Variants in ZBTB20 observed in about 807,000 individuals in gnomAD.
ZBTB20 encodes zinc finger and BTB domain containing 20.
In ZBTB20, 9 loss-of-function variants were observed where a neutral mutation model predicts 56.9. The ratio of observed to expected loss-of-function variants is 0.16; its 90% CI spans 0.10 to 0.28. The LOEUF is 0.28. Ranked by LOEUF, ZBTB20 falls within the 10% of genes least tolerant of loss-of-function variation. ZBTB20 has a pLI of 1.00. For missense variants in ZBTB20, 655 were observed against 1,003.0 expected (o/e 0.65, Z 4.69); for synonymous variants, 417 against 420.7 (o/e 0.99, Z 0.11).
At chr3:114,963,795 T>C (rs985916446) in intron 3 of ZBTB20, among the ~76,000 whole-genome samples, 1 of 152,164 alleles carries the variant, frequency 6.6e-6, no homozygotes, top group African/African-American at 2.4e-5. Flanking sequence ...TTCAACTTTG[T>C]TGCTGTGTAT....
intron 7 of ZBTB20, among the ~76,000 whole-genome samples, chr3:114,442,194 C>CTA (rs1274205343): frequency 2.6e-5 from 4 of 152,166 alleles, no homozygotes; most frequent in Non-Finnish European, 4.4e-5. Flanking sequence ...CAAGTGTTAA[C>CTA]TATCCATCTC....
At chr3:114,956,631 A>G (rs2077256559) in intron 3 of ZBTB20, among the ~76,000 whole-genome samples, 1 of 152,228 alleles carries the variant, frequency 6.6e-6, no homozygotes, top group African/African-American at 2.4e-5. Flanking sequence ...GTACGCATTT[A>G]CAAACATTTT....
At chr3:114,435,235 T>A (rs1489651588) in intron 7 of ZBTB20, among the ~76,000 whole-genome samples, 5 of 146,724 alleles carry the variant, frequency 3.4e-5, no homozygotes, top group African/African-American at 1.0e-4. Context: ...ATTAACTCTT[T>A]AAAAAAAAAA....
chr3:114,722,733 G>C (rs1234619812), intron 5 of ZBTB20, among the ~76,000 whole-genome samples: 1 of 152,228 alleles, frequency 6.6e-6, no homozygotes, highest in East Asian at 1.9e-4. Context: ...TTGCTGTCAT[G>C]ACAAGCCAAT....
At chr3:114,543,596 C>T (rs981624673) in intron 6 of ZBTB20, among the ~76,000 whole-genome samples, 3 of 152,180 alleles carry the variant, frequency 2.0e-5, no homozygotes, top group African/African-American at 7.2e-5. Context: ...AAACCCTTGG[C>T]TACTATAAAC....
chr3:114,771,870 CTTTA>C (rs896929246), intron 5 of ZBTB20, among the ~76,000 whole-genome samples: 4 of 152,140 alleles, frequency 2.6e-5, no homozygotes, highest in African/African-American at 9.7e-5. Context: ...AAACTGAAGT[CTTTA>C]TTTAACTTGG....
rs943696338 is a variant in ZBTB20, at chr3:114,444,517, T to A, written c.-254-55412A>T. Among the ~76,000 whole-genome samples the A allele has an allele frequency of 2.6e-5, 4 of 152,310 alleles. No individual in the cohort carries two copies. In the East Asian group the frequency reaches 5.8e-4, roughly 22 times the overall value. On this transcript the variant is annotated intron_variant, in intron 7 of 11. Transcript: ENST00000675478. ...GTGGGATATCACTTACTTTTTATTTTTATAAATTAGTTTTAGTGGTCAGCC... is the reference window on the plus strand; with the variant it reads ...GTGGGATATCACTTACTTTTTATTTATATAAATTAGTTTTAGTGGTCAGCC...
chr3:114,470,471 C>G (rs1179562464), intron 7 of ZBTB20, among the ~76,000 whole-genome samples: 1 of 152,044 alleles, frequency 6.6e-6, no homozygotes, highest in Non-Finnish European at 1.5e-5. Context: ...AATTTCAGCT[C>G]CTTTTTCATC....
In ZBTB20 at chr3:115,036,698, C is replaced by A. The variant is rs72943828; in HGVS notation, c.-507+34521G>T. Among the ~76,000 whole-genome samples, 898 of 152,300 alleles carry A rather than the reference C, an allele frequency of 5.9e-3. 12 individuals are homozygous for A. Among genetic ancestry groups the A allele is most frequent in the African/African-American group, 0.021 (869 of 41,580 alleles). ...AAAGTGCTGGGATTACAGGTGTGCA[C>A]CGCAGCGCCCGGCCACTTTGTGATT... On this transcript the variant is annotated intron_variant, in intron 2 of 11. Transcript: ENST00000675478.
chr3:114,810,098 G>A (rs1438300053), intron 4 of ZBTB20, among the ~76,000 whole-genome samples: 1 of 152,146 alleles, frequency 6.6e-6, no homozygotes, highest in African/African-American at 2.4e-5. Context: ...TGTGTGGGTT[G>A]TAGAATGCAC....
intron 2 of ZBTB20, among the ~76,000 whole-genome samples, chr3:115,030,718 C>A (rs1218929113): frequency 6.6e-6 from 1 of 151,236 alleles, no homozygotes; most frequent in Non-Finnish European, 1.5e-5. Flanking sequence ...CAGGGTACAG[C>A]TCAATGAGTC....
intron 10 of ZBTB20, among the ~76,000 whole-genome samples, chr3:114,358,630 G>A (rs567573507): frequency 8.5e-5 from 13 of 152,226 alleles, no homozygotes; most frequent in Admixed American, 2.0e-4. Context: ...AAGGATGAGG[G>A]CATGCCTATC....
intron 1 of ZBTB20, among the ~76,000 whole-genome samples, chr3:115,142,343 C>T (rs1249300557): frequency 1.3e-5 from 2 of 152,118 alleles, no homozygotes; most frequent in African/African-American, 4.8e-5. Flanking sequence ...TTCAATTAGC[C>T]ATTCTTCCAT....
chr3:114,475,123 T>C (rs1010099153), intron 7 of ZBTB20, among the ~76,000 whole-genome samples: 7 of 152,202 alleles, frequency 4.6e-5, no homozygotes, highest in Non-Finnish European at 1.0e-4. Flanking sequence ...ACACATTCCA[T>C]GCTCAAGTTA....
chr3:114,436,215 A>AT (rs796635345), intron 7 of ZBTB20, among the ~76,000 whole-genome samples: 44 of 151,394 alleles, frequency 2.9e-4, no homozygotes, highest in Middle Eastern at 3.4e-3. Flanking sequence ...TTGTGCTGAC[A>AT]TTTTTTTTTG....
intron 6 of ZBTB20, among the ~76,000 whole-genome samples, chr3:114,544,769 T>A (rs1478650185): frequency 6.6e-6 from 1 of 152,102 alleles, no homozygotes; most frequent in East Asian, 1.9e-4. Context: ...CCTCCCAAAG[T>A]GCTGGAATTA....
rs183911195 is a variant in ZBTB20, at chr3:115,025,980, T to A, written c.-507+45239A>T. On this transcript the variant is annotated intron_variant, in intron 2 of 11. Coordinates refer to ENST00000675478, the MANE Select transcript of ZBTB20 (RefSeq NM_001348800.3). Reference sequence around the variant, plus strand: ...AATGCCTAACACAAAGTAACTGCCTTAGCATAATTTAGGTGGCTGATTGGA... The same window carrying A: ...AATGCCTAACACAAAGTAACTGCCTAAGCATAATTTAGGTGGCTGATTGGA... Among the ~76,000 whole-genome samples, 355 of 151,070 alleles carry A rather than the reference T, an allele frequency of 2.3e-3. 2 individuals carry two copies. Among genetic ancestry groups the A allele is most frequent in the African/African-American group, 8.4e-3 (349 of 41,418 alleles).
intron 1 of ZBTB20, among the ~76,000 whole-genome samples, chr3:115,135,049 C>T (rs1415492395): frequency 6.6e-6 from 1 of 152,222 alleles, no homozygotes; most frequent in Non-Finnish European, 1.5e-5. Context: ...TCTCCTCCTA[C>T]AGGAGTTCAC....
At chr3:115,147,085 A>G (rs971818539) in intron 1 of ZBTB20, 134 bp downstream of exon 1, 1 of 32,260 alleles carries the variant, frequency 3.1e-5, no homozygotes, top group Non-Finnish European at 6.7e-5. Context: ...CCCCAACCCC[A>G]CCCCGCTCCC....
Sources: allele counts gnomAD v4.1 joint callset (sites outside exome capture counted in the v4.1 genomes callset), GRCh38; gene constraint gnomAD v4.1.1; transcripts MANE v1.5; gene names NCBI Gene and HGNC (gene_info 2026-07-23, HGNC 2026-07-21).